TTLL1: variants seen among roughly 807,000 people sequenced by gnomAD.
TTLL1 encodes the protein polyglutamylase complex subunit TTLL1.
Under a neutral mutation model 47.8 loss-of-function variants are expected in TTLL1, and 33 were observed. That is an observed-to-expected ratio of 0.69 (90% CI 0.52 to 0.92). TTLL1 has a LOEUF of 0.92. Among genes scored for constraint, TTLL1 ranks in the 40% least tolerant of loss-of-function variants. The pLI, the probability that TTLL1 is intolerant of heterozygous loss-of-function variation, is 0.00. For synonymous variants in TTLL1, 225 were observed against 214.1 expected (o/e 1.05, Z -0.45); for missense variants, 488 against 547.5 (o/e 0.89, Z 1.08).
chr22:43,078,767 G>A (rs932742684), intron 2 of TTLL1, among the ~76,000 whole-genome samples: 1 of 152,044 alleles, frequency 6.6e-6, no homozygotes, highest in Admixed American at 6.6e-5. Context: ...CCGATATGGT[G>A]CACGTGGAAC....
chr22:43,059,584 G>A, intron 7 of TTLL1, 57 bp from the exon 8 acceptor site: 2 of 1,548,598 alleles, frequency 1.3e-6, no homozygotes, highest in South Asian at 2.5e-5. Context: ...GAGGAACCCA[G>A]CGGAACCGTT....
chr22:43,065,584 T>C (rs1231513586), intron 5 of TTLL1, among the ~76,000 whole-genome samples: 1 of 151,680 alleles, frequency 6.6e-6, no homozygotes, highest in East Asian at 2.0e-4. Flanking sequence ...GCCACACACA[T>C]GGCCAAATTT....
chr22:43,085,500 C>G (rs9620114), intron 1 of TTLL1, among the ~76,000 whole-genome samples: 1 of 152,118 alleles, frequency 6.6e-6, no homozygotes, highest in African/African-American at 2.4e-5. Flanking sequence ...GTACTGTTCT[C>G]GTGGTAGTGA....
At chr22:43,070,399 G>A (rs6003031) in intron 3 of TTLL1, among the ~76,000 whole-genome samples, 14,088 of 152,072 alleles carry the variant, frequency 0.093, 866 homozygotes, top group African/African-American at 0.16. Context: ...CCCGCCACAC[G>A]CCTGTCCTCA....
At chr22:43,048,113 C>T (rs1009675299) in intron 9 of TTLL1, among the ~76,000 whole-genome samples, 4 of 151,996 alleles carry the variant, frequency 2.6e-5, no homozygotes, top group East Asian at 3.9e-4. Context: ...GTCAAGAGTT[C>T]GAGACCAGCT....
At position 43,046,582 on chromosome 22, in the gene TTLL1, T is replaced by C. The variant is rs1340083556; in HGVS notation, c.979-9A>G. The stretch of plus-strand genomic sequence containing the variant: ...GACGGGGACGCATTCACCTGTGAGA[T>C]GAAAGACCCATGTTCCTCACCTGTG... On this transcript the variant is annotated splice_polypyrimidine_tract_variant and intron_variant, in intron 9 of 10. Coordinates refer to ENST00000266254, the MANE Select transcript of TTLL1 (RefSeq NM_012263.5). 1 of 1,612,732 alleles carries C rather than the reference T, an allele frequency of 6.2e-7. No individual in the cohort carries two copies. The highest frequency in any genetic ancestry group is 2.2e-5 in the East Asian group (1 of 44,848).
intron 8 of TTLL1, 111 bp downstream of exon 8, chr22:43,059,273 C>T (rs1601674700): frequency 1.6e-5 from 23 of 1,446,608 alleles, no homozygotes; most frequent in East Asian, 1.5e-4. Flanking sequence ...GGATTACAGG[C>T]GTGAGCCGCC....
intron 10 of TTLL1, chr22:43,041,191 C>T (rs941276496): frequency 2.0e-5 from 3 of 152,178 alleles, no homozygotes; most frequent in African/African-American, 2.4e-5. Context: ...ATTTCTAATT[C>T]GGAGTTTTTT....
At chr22:43,065,893 CT>C (rs1184175938) in intron 5 of TTLL1, among the ~76,000 whole-genome samples, 3 of 151,858 alleles carry the variant, frequency 2.0e-5, no homozygotes, top group African/African-American at 7.2e-5. Flanking sequence ...AATCAAGCTA[CT>C]GGAGGCCTGT....
At chr22:43,050,553 CCT>C (rs1244143985) in intron 9 of TTLL1, among the ~76,000 whole-genome samples, 12 of 150,110 alleles carry the variant, frequency 8.0e-5, no homozygotes, top group Admixed American at 3.3e-4. Context: ...CAAAGTCTCT[CCT>C]CTGTCACCCA....
intron 9 of TTLL1, among the ~76,000 whole-genome samples, chr22:43,048,053 C>T (rs1475621251): frequency 6.6e-6 from 1 of 152,130 alleles, no homozygotes; most frequent in Non-Finnish European, 1.5e-5. Context: ...CGCGGTGGCT[C>T]ATGCCCGTAA....
intron 8 of TTLL1, among the ~76,000 whole-genome samples, chr22:43,054,423 CT>C (rs767193512): frequency 0.032 from 4,478 of 139,198 alleles, 75 homozygotes; most frequent in African/African-American, 0.051. Context: ...GACATAATCT[CT>C]TTTTTTTTTT....
intron 7 of TTLL1, among the ~76,000 whole-genome samples, chr22:43,062,966 C>T (rs141295419): frequency 5.9e-5 from 9 of 152,252 alleles, no homozygotes; most frequent in South Asian, 4.1e-4. Flanking sequence ...TATAATAAAG[C>T]GTGAAATACC....
intron 1 of TTLL1, among the ~76,000 whole-genome samples, chr22:43,081,195 C>A (rs567177074): frequency 6.6e-6 from 1 of 152,020 alleles, no homozygotes; most frequent in Non-Finnish European, 1.5e-5. Flanking sequence ...GGATGACAAG[C>A]GTGAGCCACC....
rs1194284584 is a variant in TTLL1, at chr22:43,039,906, C to A, written c.1143-1G>T. 4 of 1,613,040 alleles carry A rather than the reference C, an allele frequency of 2.5e-6. No individual in the cohort carries two copies. The highest frequency in any genetic ancestry group is 3.4e-6 in the Non-Finnish European group (4 of 1,179,658). On this transcript the variant is annotated splice_acceptor_variant, in intron 10 of 10. Coordinates refer to ENST00000266254, the MANE Select transcript of TTLL1 (RefSeq NM_012263.5). LOFTEE classifies it high-confidence loss of function. ...ACCCTGGGCCAATTCTTCATCATAC[C>A]TGGAGACAGAAACAGCCAGGATCAC...
At chr22:43,067,227 G>A (rs937968297) in intron 5 of TTLL1, among the ~76,000 whole-genome samples, 5 of 152,186 alleles carry the variant, frequency 3.3e-5, no homozygotes, top group South Asian at 2.1e-4. Context: ...TGTGCCCATC[G>A]GCTGTGCCCG....
intron 10 of TTLL1, among the ~76,000 whole-genome samples, chr22:43,040,548 C>A (rs184438458): frequency 1.3e-5 from 2 of 152,234 alleles, no homozygotes; most frequent in East Asian, 3.9e-4. Flanking sequence ...CTGGTTCAAG[C>A]GATTCTCCTG....
At chr22:43,060,593 G>A (rs1045195794) in intron 7 of TTLL1, among the ~76,000 whole-genome samples, 4 of 152,180 alleles carry the variant, frequency 2.6e-5, no homozygotes, top group African/African-American at 9.7e-5. Flanking sequence ...AGGGGACGCC[G>A]GGCTCAGAGA....
At chr22:43,059,346 G>A (rs1235384714) in intron 8 of TTLL1, 38 bp downstream of exon 8, 1 of 1,586,318 alleles carries the variant, frequency 6.3e-7, no homozygotes. Flanking sequence ...TCCCAAACGG[G>A]CCCTGGGAGC....
Sources: allele counts gnomAD v4.1 joint callset (sites outside exome capture counted in the v4.1 genomes callset), GRCh38; gene constraint gnomAD v4.1.1; transcripts MANE v1.5; gene names NCBI Gene and HGNC (gene_info 2026-07-23, HGNC 2026-07-21).